Variants in SLC24A2 observed in about 807,000 individuals in gnomAD.
SLC24A2 encodes sodium/potassium/calcium exchanger 2.
Under a neutral mutation model 62.0 loss-of-function variants are expected in SLC24A2, and 36 were observed. That is an observed-to-expected ratio of 0.58 (90% CI 0.44 to 0.77). The LOEUF is 0.77. Among genes scored for constraint, SLC24A2 ranks in the 30% least tolerant of loss-of-function variants. The pLI is 0.00. For missense variants in SLC24A2, 846 were observed against 817.9 expected (o/e 1.03, Z -0.42); for synonymous variants, 358 against 294.0 (o/e 1.22, Z -2.23).
intron 2 of SLC24A2, among the ~76,000 whole-genome samples, chr9:19,627,586 T>C (rs1818066549): frequency 6.6e-6 from 1 of 152,156 alleles, no homozygotes; most frequent in Non-Finnish European, 1.5e-5. Flanking sequence ...AGTGCAGTGG[T>C]GCGACCATAG....
At chr9:19,904,461 C>T in the SLC24A2 span, among the ~76,000 whole-genome samples, 1 of 152,016 alleles carries the variant, frequency 6.6e-6, no homozygotes, top group African/African-American at 2.4e-5. Flanking sequence ...TTGAATTGGA[C>T]CAAGTTTACT....
the SLC24A2 span, among the ~76,000 whole-genome samples, chr9:20,223,088 A>T: frequency 6.6e-6 from 1 of 152,242 alleles, no homozygotes; most frequent in African/African-American, 2.4e-5. Flanking sequence ...GTTCCTACTG[A>T]TTGTGGATTA....
At chr9:20,276,232 C>T in the SLC24A2 span, among the ~76,000 whole-genome samples, 2 of 152,198 alleles carry the variant, frequency 1.3e-5, no homozygotes, top group Non-Finnish European at 2.9e-5. Context: ...TTAATTTCTT[C>T]CTAGATACAA....
At chr9:20,101,904 G>C in the SLC24A2 span, among the ~76,000 whole-genome samples, 1 of 152,150 alleles carries the variant, frequency 6.6e-6, no homozygotes, top group African/African-American at 2.4e-5. Context: ...CTGGAGCCTA[G>C]GCCTAAAGTG....
the SLC24A2 span, among the ~76,000 whole-genome samples, chr9:19,910,990 A>T: frequency 2.6e-5 from 4 of 151,278 alleles, no homozygotes; most frequent in South Asian, 6.3e-4. Flanking sequence ...ATATGTATAC[A>T]TGTGCCATGC....
chr9:20,131,011 C>T, the SLC24A2 span, among the ~76,000 whole-genome samples: 1,693 of 152,038 alleles, frequency 0.011, 19 homozygotes, highest in Non-Finnish European at 0.018. Context: ...ACCACAATGA[C>T]GAAAATAATG....
chr9:19,891,705 C>T, the SLC24A2 span, among the ~76,000 whole-genome samples: 1 of 152,042 alleles, frequency 6.6e-6, no homozygotes, highest in Non-Finnish European at 1.5e-5. Flanking sequence ...ATGATCACGC[C>T]ACTGCACTCC....
the SLC24A2 span, among the ~76,000 whole-genome samples, chr9:20,073,394 G>A: frequency 1.3e-5 from 2 of 152,066 alleles, no homozygotes; most frequent in Non-Finnish European, 2.9e-5. Flanking sequence ...AAAGTCAACT[G>A]GTTTGGGACC....
chr9:19,779,168 C>T (rs1480209672), intron 2 of SLC24A2, among the ~76,000 whole-genome samples: 6 of 152,220 alleles, frequency 3.9e-5, no homozygotes, highest in Admixed American at 3.3e-4. Flanking sequence ...GTACAAGATA[C>T]GTCTAACTGG....
chr9:19,738,670 A>G (rs1348906585), intron 2 of SLC24A2, among the ~76,000 whole-genome samples: 1 of 152,206 alleles, frequency 6.6e-6, no homozygotes, highest in African/African-American at 2.4e-5. Flanking sequence ...ATATACTACA[A>G]TTTATTTATT....
chr9:19,677,726 T>C (rs1819601115), intron 2 of SLC24A2, among the ~76,000 whole-genome samples: 2 of 151,630 alleles, frequency 1.3e-5, no homozygotes, highest in Admixed American at 6.6e-5. Context: ...AAATATTGTA[T>C]ACAATATACA....
the SLC24A2 span, among the ~76,000 whole-genome samples, chr9:20,094,608 G>T: frequency 8.5e-4 from 130 of 152,234 alleles, no homozygotes; most frequent in Admixed American, 3.1e-3. Flanking sequence ...ACCGGTTATT[G>T]ATGTACTAGA....
the SLC24A2 span, among the ~76,000 whole-genome samples, chr9:20,114,858 C>T: frequency 6.6e-6 from 1 of 152,100 alleles, no homozygotes; most frequent in African/African-American, 2.4e-5. Context: ...CCTTCTACCC[C>T]TGAAAGCTTG....
At chr9:19,936,582 A>G in the SLC24A2 span, among the ~76,000 whole-genome samples, 1 of 152,194 alleles carries the variant, frequency 6.6e-6, no homozygotes, top group Non-Finnish European at 1.5e-5. Context: ...GTAAAATGAG[A>G]CAACTTACAA....
the SLC24A2 span, among the ~76,000 whole-genome samples, chr9:19,961,059 A>T: frequency 8.5e-5 from 12 of 141,414 alleles, no homozygotes; most frequent in Non-Finnish European, 1.1e-4. Flanking sequence ...TGTGAGTGAG[A>T]GAAAGGAGAA....
At chr9:19,603,020 A>G (rs1226191294) in intron 4 of SLC24A2, among the ~76,000 whole-genome samples, 1 of 152,196 alleles carries the variant, frequency 6.6e-6, no homozygotes, top group African/African-American at 2.4e-5. Context: ...AAAAAATAAT[A>G]TTAAAGATAG....
the SLC24A2 span, among the ~76,000 whole-genome samples, chr9:20,067,473 A>G: frequency 1.3e-5 from 2 of 151,926 alleles, no homozygotes; most frequent in African/African-American, 2.4e-5. Flanking sequence ...GGTTTCTTAC[A>G]TGGGTATGCT....
the SLC24A2 span, among the ~76,000 whole-genome samples, chr9:20,031,897 G>T: frequency 2.0e-5 from 3 of 152,140 alleles, no homozygotes; most frequent in African/African-American, 7.2e-5. Flanking sequence ...GATTTGTAGT[G>T]TGCACCAATT....
At chr9:20,174,213 G>T in the SLC24A2 span, among the ~76,000 whole-genome samples, 3 of 151,992 alleles carry the variant, frequency 2.0e-5, no homozygotes, top group Non-Finnish European at 4.4e-5. Flanking sequence ...ACGGATTAAG[G>T]ACTTAAATCT....
Sources: gnomAD v4.1 joint callset for allele counts (sites outside exome capture counted in the v4.1 genomes callset) on GRCh38, gnomAD v4.1.1 for gene constraint, MANE v1.5 for transcripts, NCBI Gene and HGNC (gene_info 2026-07-23, HGNC 2026-07-21) for gene names.